The following ACTN3 variants were observed in gnomAD, a reference collection of about 807,000 sequenced individuals.
The protein encoded by ACTN3 is alpha-actinin-3.
A neutral mutation model predicts 119.6 loss-of-function variants in ACTN3; 91 were observed. The ratio of observed to expected loss-of-function variants is 0.76; its 90% CI spans 0.64 to 0.91. ACTN3 has a LOEUF of 0.91. Among genes scored for constraint, ACTN3 ranks in the 40% least tolerant of loss-of-function variants. The pLI is 0.00. For missense variants in ACTN3, 1,221 were observed against 1,215.1 expected, an observed-to-expected ratio of 1.00 and a Z score of -0.07; for synonymous variants, 456 against 478.8, an observed-to-expected ratio of 0.95 and a Z score of 0.62.
chr11:66,551,258 A>C lies in ACTN3; in HGVS notation c.167A>C (p.Asn56Thr). The C allele has an allele frequency of 6.2e-7, 1 of 1,611,226 alleles. No homozygotes were observed. The highest frequency in any genetic ancestry group is 8.5e-7 in the Non-Finnish European group (1 of 1,178,726). ...QQRKTFTAWCNSHLRKAGTQI... is the reference protein window; with the variant it reads ...QQRKTFTAWCTSHLRKAGTQI... ...CCCTAGACCTTCACTGCCTGGTGCAACTCACACCTGCGCAAGGCAGGCACC... is the reference window on the plus strand; with the variant it reads ...CCCTAGACCTTCACTGCCTGGTGCACCTCACACCTGCGCAAGGCAGGCACC... The change falls in exon 2 of 21, where the codon AAC (asparagine) becomes ACC (threonine). Residue 56 changes from asparagine to threonine, a missense_variant. Asn to Thr is a moderately conservative substitution (Grantham distance 65). Transcript: ENST00000513398.
intron 11 of ACTN3, 142 bp downstream of exon 11, chr11:66,558,316 C>A: frequency 8.0e-7 from 1 of 1,254,446 alleles, no homozygotes; most frequent in Non-Finnish European, 1.1e-6. Flanking sequence ...TTTCTAGTCC[C>A]ACCCTGACTT....
chr11:66,557,623 T>G, intron 9 of ACTN3, 76 bp from the exon 10 acceptor site: 1 of 1,464,060 alleles, frequency 6.8e-7, no homozygotes, highest in Non-Finnish European at 9.3e-7. Context: ...ACAGCCTGGG[T>G]GTGGGTGGAG....
rs751104446 is a variant in ACTN3, at chr11:66,554,603, C to T, written c.537C>T (p.Asn179=). The change falls in exon 5 of 21, where the codon AAC becomes AAT. Residue 179 remains asparagine (N), a synonymous_variant. Coordinates refer to ENST00000513398, the MANE Select transcript of ACTN3 (RefSeq NM_001104.4). ...QRKTAPYRNV[N]VQNFHTSWKD... ...AGACAGCACCGTACCGCAACGTCAA[C>T]GTGCAGAACTTCCACACCAGGTCTG... is the stretch of plus-strand genomic sequence containing the variant. 1.2e-5 allele frequency: 20 copies of T among 1,612,214 alleles called. No homozygotes were observed. The highest frequency in any genetic ancestry group is 3.3e-5 in the Admixed American group (2 of 59,794).
In ACTN3 at chr11:66,562,136, G is replaced by A. The variant is rs1369024192; in HGVS notation, c.2290G>A (p.Glu764Lys). 6.2e-6 allele frequency: 10 copies of A among 1,614,070 alleles called. No individual in the cohort carries two copies. Among genetic ancestry groups the A allele is most frequent in the African/African-American group, 5.3e-5 (4 of 75,050 alleles). The change falls in exon 18 of 21, where the codon GAG becomes AAG. Residue 764 changes from glutamate (E) to lysine (K), a missense_variant. Around this residue, in one of 3 missense-constraint regions of ACTN3, gnomAD observed 934 missense variants for 899.9 expected, o/e 1.04. Coordinates refer to ENST00000513398, the MANE Select transcript of ACTN3 (RefSeq NM_001104.4). ...GGGACTGAGCCAGGAGCAGCTCAAC[G>A]AGTTCCGAGCATCCTTCAACCACTT... ...AKGLSQEQLN[E>K]FRASFNHFDR...
At chr11:66,551,732 C>G in intron 3 of ACTN3, 85 bp downstream of exon 3, 1 of 1,560,002 alleles carries the variant, frequency 6.4e-7, no homozygotes, top group Non-Finnish European at 8.7e-7. Context: ...CCTCAGTTTC[C>G]TCATCTCAGC....
At position 66,552,880 on chromosome 11, in the gene ACTN3, T is replaced by TCTCTCTCA. The variant is rs1337756351; in HGVS notation, c.383-1164_383-1163insTCTCTCAC. Among the ~76,000 whole-genome samples, 7 of 114,698 alleles carry TCTCTCTCA rather than the reference T, an allele frequency of 6.1e-5. No homozygotes were observed. The South Asian group carries it at 2.0e-3, about 33-fold the overall frequency. The allele number at this position is 114,698 out of a possible 152,430, so 75.2% of individuals were successfully genotyped here. ...CTCTCTCTCTCTCTCTCTCTCTCTC[T>TCTCTCTCA]CACACACACACACACACACACACAC... On this transcript the variant is annotated intron_variant, in intron 3 of 20. Transcript: ENST00000513398.
chr11:66,552,451 T>C (rs1857493302), intron 3 of ACTN3, among the ~76,000 whole-genome samples: 1 of 152,042 alleles, frequency 6.6e-6, no homozygotes, highest in South Asian at 2.1e-4. Flanking sequence ...AGTGAAATAA[T>C]TGCTAAATAA....
intron 17 of ACTN3, 22 bp from the exon 18 acceptor site, chr11:66,562,000 T>G (rs1590812475): frequency 6.3e-7 from 1 of 1,589,262 alleles, no homozygotes; most frequent in Non-Finnish European, 8.6e-7. Context: ...CCACTGACAG[T>G]GGCCTGTCCC....
rs755883156 is a variant in ACTN3, at chr11:66,551,623, A to C, written c.358A>C (p.Lys120Gln). The C allele has an allele frequency of 9.9e-6, 16 of 1,613,768 alleles. No individual in the cohort carries two copies. The African/African-American group carries it at 2.1e-4, about 22-fold the overall frequency. ...ALDFIASKGV[K>Q]LVSIGAEEIV... The stretch of plus-strand genomic sequence containing the variant: ...GGACTTCATTGCCAGCAAGGGGGTT[A>C]AACTGGTGTCCATTGGTGCTGAAGG... The change falls in exon 3 of 21, where the codon AAA (lysine) becomes CAA (glutamine). Residue 120 changes from lysine (K) to glutamine (Q), a missense_variant. By Grantham distance (53) the Lys-to-Gln change is moderately conservative (BLOSUM62 1). Coordinates refer to ENST00000513398, the MANE Select transcript of ACTN3 (RefSeq NM_001104.4).
rs773610480 is a variant in ACTN3, at chr11:66,563,089, T to C, written c.2602T>C (p.Tyr868His). ...CGAGCTCCCTGCCAAGCAGGCCGAG[T>C]ACTGCATCCGCCGTATGGTGCCCTA... ...RRELPAKQAE[Y>H]CIRRMVPYKG... Residue 868 changes from tyrosine to histidine, a missense_variant, in exon 21 of 21, where the codon TAC (tyrosine) becomes CAC (histidine). Physicochemically the swap from Tyr to His is moderately conservative, Grantham distance 83. Coordinates refer to ENST00000513398, the MANE Select transcript of ACTN3 (RefSeq NM_001104.4). 5.0e-6 allele frequency: 8 copies of C among 1,612,932 alleles called. No homozygotes were observed. The East Asian group carries it at 8.9e-5, about 18-fold the overall frequency.
At chr11:66,556,736 T>TG (rs1202000772) in intron 8 of ACTN3, among the ~76,000 whole-genome samples, 1 of 145,738 alleles carries the variant, frequency 6.9e-6, no homozygotes, top group Non-Finnish European at 1.5e-5. Flanking sequence ...CACGCCCAGC[T>TG]GGGGGCTCTG....
At chr11:66,552,682 G>A (rs1857497806) in intron 3 of ACTN3, among the ~76,000 whole-genome samples, 1 of 151,572 alleles carries the variant, frequency 6.6e-6, no homozygotes, top group African/African-American at 2.4e-5. Context: ...CATGGTGAAA[G>A]CCTGTCTGTA....
intron 5 of ACTN3, 144 bp downstream of exon 5, chr11:66,554,767 T>C (rs1857554945): frequency 4.3e-6 from 3 of 697,794 alleles, no homozygotes; most frequent in South Asian, 4.0e-5. Flanking sequence ...TGGAACAGTG[T>C]CTGAAAAGAG....
intron 14 of ACTN3, 110 bp from the exon 15 acceptor site, chr11:66,560,463 G>T: frequency 2.7e-6 from 4 of 1,475,260 alleles, no homozygotes; most frequent in Non-Finnish European, 3.6e-6. Context: ...CGGGGTTCTT[G>T]TGTCAGGACT....
rs1480771808 is a variant in ACTN3, at chr11:66,551,244, C to T, written c.153C>T (p.Phe51=). 1.2e-6 allele frequency: 2 copies of T among 1,608,216 alleles called. No individual in the cohort carries two copies. The highest frequency in any genetic ancestry group is 1.3e-5 in the African/African-American group (1 of 74,812). Residue 51 remains phenylalanine (F), a synonymous_variant, in exon 2 of 21, where the codon TTC becomes TTT. Coordinates refer to ENST00000513398, the MANE Select transcript of ACTN3 (RefSeq NM_001104.4). ...GTGCTGTCCTCTGCCCCTAGACCTT[C>T]ACTGCCTGGTGCAACTCACACCTGC... ...PAWEKQQRKT[F]TAWCNSHLRK...
chr11:66,560,830 G>A, intron 15 of ACTN3, 75 bp downstream of exon 15: 1 of 1,471,932 alleles, frequency 6.8e-7, no homozygotes, highest in South Asian at 1.3e-5. Context: ...GGTGGCCCAA[G>A]ATATGGAGAA....
At position 66,559,349 on chromosome 11, in the gene ACTN3, C is replaced by G. The variant is rs754473781; in HGVS notation, c.1390C>G (p.Arg464Gly). ...FESDLAAHQD[R>G]VEHIAALAQE... ...GAGCGACCTGGCGGCGCACCAGGAC[C>G]GCGTGGAGCACATTGCCGCGCTGGC... Residue 464 changes from arginine (R) to glycine (G), a missense_variant, in exon 12 of 21, where the codon CGC (arginine) becomes GGC (glycine). This residue lies in a region of ACTN3 where 934 missense variants were observed against 899.9 expected (regional missense o/e 1.04). Coordinates refer to ENST00000513398, the MANE Select transcript of ACTN3 (RefSeq NM_001104.4). 4.5e-6 allele frequency: 7 copies of G among 1,567,222 alleles called. No individual in the cohort carries two copies. The Admixed American group carries it at 7.6e-5, about 17-fold the overall frequency.
intron 15 of ACTN3, 135 bp downstream of exon 15, chr11:66,560,890 G>C: frequency 2.0e-6 from 2 of 994,968 alleles, no homozygotes; most frequent in Non-Finnish European, 2.9e-6. Context: ...ACGTGGGATT[G>C]GATAAATCGC....
At chr11:66,559,007 G>C (rs1363899546) in intron 11 of ACTN3, 1 of 401,210 alleles carries the variant, frequency 2.5e-6, no homozygotes, top group African/African-American at 2.1e-5. Flanking sequence ...TGTACCAAGG[G>C]CCCCCTGGAC....
Sources: allele counts gnomAD v4.1 joint callset (sites outside exome capture counted in the v4.1 genomes callset), GRCh38; gene constraint gnomAD v4.1.1; regional missense constraint gnomAD v4.1.1; transcripts MANE v1.5; gene names NCBI Gene and HGNC (gene_info 2026-07-23, HGNC 2026-07-21).